STPG4: variants seen among roughly 807,000 people sequenced by gnomAD.
The protein encoded by STPG4 is protein STPG4.
In STPG4, 41 loss-of-function variants were observed where a neutral mutation model predicts 31.5. The ratio of observed to expected loss-of-function variants is 1.30; its 90% CI spans 1.01 to 1.69. STPG4 has a LOEUF of 1.69. Ranked by LOEUF, STPG4 falls within the 40% of genes most tolerant of loss-of-function variation. The pLI is 0.00. For missense variants in STPG4, 375 were observed against 293.4 expected (o/e 1.28, Z -2.03); for synonymous variants, 141 against 103.0 (o/e 1.37, Z -2.24).
At chr2:47,087,154 G>T in intron 6 of STPG4, 24 bp from the exon 7 acceptor site, 1 of 1,550,308 alleles carries the variant, frequency 6.5e-7, no homozygotes, top group East Asian at 2.4e-5. Flanking sequence ...AGAAAACAGG[G>T]ACTGATGAGA....
chr2:47,127,577 CAAATTCTT>C (rs1318165794), intron 5 of STPG4, among the ~76,000 whole-genome samples: 1 of 152,162 alleles, frequency 6.6e-6, no homozygotes, highest in East Asian at 1.9e-4. Flanking sequence ...TCCAAGCTCA[CAAATTCTT>C]TCTTCTGTTT....
At chr2:47,115,997 G>C (rs977841122) in intron 5 of STPG4, among the ~76,000 whole-genome samples, 6 of 152,174 alleles carry the variant, frequency 3.9e-5, no homozygotes, top group African/African-American at 1.4e-4. Flanking sequence ...TGGGTATGTG[G>C]CTAGGATATG....
In STPG4 at chr2:47,117,227, GAGA is replaced by G. The variant is rs1045029291; in HGVS notation, c.519+12711_519+12713del. 3.6e-4 allele frequency among the ~76,000 whole-genome samples: 55 copies of G among 152,134 alleles called. 1 individual carries two copies. Among genetic ancestry groups the G allele is most frequent in the Non-Finnish European group, 4.9e-4 (33 of 67,980 alleles). On this transcript the variant is annotated intron_variant, in intron 5 of 6. Coordinates refer to ENST00000445927, the MANE Select transcript of STPG4 (RefSeq NM_001163561.2). ...TGTGGTTTTTTGTTTTTGTTTTTTT[GAGA>G]AGGACTTTCGCTCTTGTTGCCCAGG...
chr2:47,145,680 A>G lies in STPG4; in HGVS notation c.399+5578T>C, dbSNP rs539767524. 3.3e-5 allele frequency among the ~76,000 whole-genome samples: 5 copies of G among 152,368 alleles called. No homozygotes were observed. The East Asian group carries it at 7.7e-4, about 23-fold the overall frequency. On this transcript the variant is annotated intron_variant, in intron 3 of 6. Coordinates refer to ENST00000445927, the MANE Select transcript of STPG4 (RefSeq NM_001163561.2). The stretch of plus-strand genomic sequence containing the variant: ...TCAGATTTCAGGTATTTGAGTAATC[A>G]TTAATTCATTCACAGGTTCAACCAA...
chr2:47,115,564 A>G (rs2103760481), intron 5 of STPG4, among the ~76,000 whole-genome samples: 2 of 151,588 alleles, frequency 1.3e-5, no homozygotes, highest in South Asian at 4.2e-4. Context: ...TTTTTAAAAA[A>G]TCTTCCCCTT....
At chr2:47,110,174 T>C (rs563846922) in intron 5 of STPG4, among the ~76,000 whole-genome samples, 1 of 152,314 alleles carries the variant, frequency 6.6e-6, no homozygotes, top group African/African-American at 2.4e-5. Flanking sequence ...CCAAACATCA[T>C]ACGAATGACT....
chr2:47,152,723 C>T (rs1573204829), intron 2 of STPG4, among the ~76,000 whole-genome samples: 1 of 152,160 alleles, frequency 6.6e-6, no homozygotes, highest in Admixed American at 6.5e-5. Flanking sequence ...TTCTGTAAAG[C>T]ACCTAGATTT....
intron 6 of STPG4, among the ~76,000 whole-genome samples, chr2:47,088,630 C>T (rs1685507592): frequency 6.6e-6 from 1 of 152,210 alleles, no homozygotes; most frequent in Non-Finnish European, 1.5e-5. Flanking sequence ...TTATTTTTTA[C>T]TATTATCACC....
Position 47,091,549 on chromosome 2 carries a change from G to C in STPG4, c.520-1175C>G, listed in dbSNP as rs545545152. On this transcript the variant is annotated intron_variant, in intron 5 of 6. Coordinates refer to ENST00000445927, the MANE Select transcript of STPG4 (RefSeq NM_001163561.2). The stretch of plus-strand genomic sequence containing the variant: ...GGTTCCTTGCCTCAGGAGTGGGACA[G>C]GGCAAAAAACAGAAATAAGTGTTTT... 5.3e-5 allele frequency among the ~76,000 whole-genome samples: 8 copies of C among 152,190 alleles called. 1 individual carries two copies. The South Asian group carries it at 1.5e-3, about 28-fold the overall frequency.
chr2:47,088,924 C>A (rs1015628202), intron 6 of STPG4, among the ~76,000 whole-genome samples: 1 of 152,172 alleles, frequency 6.6e-6, no homozygotes, highest in South Asian at 2.1e-4. Context: ...GTTCAGGGGG[C>A]CTGCATCTCA....
At position 47,139,746 on chromosome 2, in the gene STPG4, ATT is replaced by A. The variant is rs1491455477; in HGVS notation, c.400-9488_400-9487del. 1.9e-3 allele frequency among the ~76,000 whole-genome samples: 286 copies of A among 152,206 alleles called. 1 individual carries two copies. Among genetic ancestry groups the A allele is most frequent in the Non-Finnish European group, 3.4e-3 (234 of 68,008 alleles). On this transcript the variant is annotated intron_variant, in intron 3 of 6. Coordinates refer to ENST00000445927, the MANE Select transcript of STPG4 (RefSeq NM_001163561.2). ...CAACATACAAGATTATGCTCTGACA[ATT>A]TTGATTAACTCCGACAATCTGTCTT...
intron 5 of STPG4, among the ~76,000 whole-genome samples, chr2:47,122,008 T>A (rs1239976136): frequency 6.6e-6 from 1 of 152,136 alleles, no homozygotes; most frequent in Non-Finnish European, 1.5e-5. Flanking sequence ...CATTAGGGCA[T>A]AGACATATCT....
At chr2:47,148,047 G>A (rs371012232) in intron 3 of STPG4, among the ~76,000 whole-genome samples, 12 of 151,816 alleles carry the variant, frequency 7.9e-5, no homozygotes, top group African/African-American at 2.7e-4. Flanking sequence ...TACCTCCCGG[G>A]TTCAAGCAAT....
chr2:47,088,538 G>T (rs1685505805), intron 6 of STPG4, among the ~76,000 whole-genome samples: 1 of 152,232 alleles, frequency 6.6e-6, no homozygotes, highest in Non-Finnish European at 1.5e-5. Context: ...CAGAGTACCT[G>T]CCTCTAGGGG....
chr2:47,114,190 G>A (rs761565096), intron 5 of STPG4, among the ~76,000 whole-genome samples: 1 of 151,818 alleles, frequency 6.6e-6, no homozygotes, highest in African/African-American at 2.4e-5. Context: ...GGACAACATA[G>A]CAAGACCCCA....
At chr2:47,089,546 C>T (rs2103720641) in intron 6 of STPG4, among the ~76,000 whole-genome samples, 1 of 152,264 alleles carries the variant, frequency 6.6e-6, no homozygotes, top group East Asian at 1.9e-4. Context: ...TTTCTGTTTC[C>T]CCAGCCATCT....
intron 5 of STPG4, 115 bp from the exon 6 acceptor site, chr2:47,090,489 C>T: frequency 1.4e-6 from 1 of 713,000 alleles, no homozygotes; most frequent in Non-Finnish European, 2.3e-6. Flanking sequence ...AGAAAAATCC[C>T]ATATTTGGTC....
chr2:47,120,510 T>C (rs373124001), intron 5 of STPG4, among the ~76,000 whole-genome samples: 5 of 151,714 alleles, frequency 3.3e-5, no homozygotes, highest in East Asian at 3.9e-4. Flanking sequence ...GAGCTTGCAG[T>C]GAGCTGAGAT....
chr2:47,092,128 T>C (rs1458860309), intron 5 of STPG4, among the ~76,000 whole-genome samples: 1 of 27,526 alleles, frequency 3.6e-5, no homozygotes, highest in African/African-American at 1.2e-4. Flanking sequence ...ACAAAAAATT[T>C]TTTTTGCTTA....
Sources: allele counts gnomAD v4.1 joint callset (sites outside exome capture counted in the v4.1 genomes callset), GRCh38; gene constraint gnomAD v4.1.1; transcripts MANE v1.5; gene names NCBI Gene and HGNC (gene_info 2026-07-23, HGNC 2026-07-21).